Variants in TCTN3 observed in about 807,000 individuals in gnomAD.
The protein encoded by TCTN3 is tectonic-3.
TCTN3 carries 57 observed loss-of-function variants against 71.3 expected under a neutral mutation model. The ratio of observed to expected loss-of-function variants is 0.80; its 90% CI spans 0.65 to 1.00. TCTN3 has a LOEUF of 1.00. Among genes scored for constraint, TCTN3 ranks in the 50% least tolerant of loss-of-function variants. The probability of loss-of-function intolerance (pLI) is 0.00; values close to 1 mark genes in which losing one functional copy is unlikely to be tolerated. For synonymous variants in TCTN3, 258 were observed against 267.8 expected (o/e 0.96, Z 0.36); for missense variants, 696 against 719.9 (o/e 0.97, Z 0.38).
At chr10:95,682,899 T>C in intron 11 of TCTN3, 95 bp from the exon 12 acceptor site, 2 of 1,467,730 alleles carry the variant, frequency 1.4e-6, no homozygotes, top group Non-Finnish European at 1.8e-6. Context: ...GGAAATAATA[T>C]AAAATAGACC....
At chr10:95,681,369 C>T (rs994096534) in intron 12 of TCTN3, among the ~76,000 whole-genome samples, 2 of 152,204 alleles carry the variant, frequency 1.3e-5, no homozygotes, top group Non-Finnish European at 2.9e-5. Context: ...AGCCATGGCA[C>T]CTGGCTTCCT....
intron 13 of TCTN3, among the ~76,000 whole-genome samples, chr10:95,665,677 C>T (rs2097924959): frequency 6.6e-6 from 1 of 152,032 alleles, no homozygotes. Context: ...CATTTCAGAG[C>T]CTTTAGGAGG....
Position 95,682,658 on chromosome 10 carries a change from C to G in TCTN3, c.1445G>C (p.Ser482Thr). The change falls in exon 12 of 14, where the codon AGC becomes ACC. Residue 482 changes from serine (S) to threonine (T), a missense_variant. Coordinates refer to ENST00000371217, the MANE Select transcript of TCTN3 (RefSeq NM_015631.6). ...GTATATTTCTCTCCTTACTGAAATG[C>G]TGCAGTGCCTGTTGAGGATCCTGGT... The part of the protein sequence containing the change: ...GWTRILNRHC[S>T]ISAINCTSCC... 1.2e-6 allele frequency: 2 copies of G among 1,612,384 alleles called. No individual in the cohort carries two copies. The highest frequency in any genetic ancestry group is 1.7e-6 in the Non-Finnish European group (2 of 1,179,476).
intron 10 of TCTN3, 38 bp from the exon 11 acceptor site, chr10:95,683,233 G>GAA: frequency 6.5e-7 from 1 of 1,547,458 alleles, no homozygotes; most frequent in Non-Finnish European, 8.8e-7. Flanking sequence ...CATCATAACA[G>GAA]AAAAAAAAAG....
In TCTN3 at chr10:95,680,568, C is replaced by T; in HGVS notation, c.1494G>A (p.Leu498=). 1 of 1,614,130 alleles carries T rather than the reference C, an allele frequency of 6.2e-7. No individual in the cohort carries two copies. The highest frequency in any genetic ancestry group is 8.5e-7 in the Non-Finnish European group (1 of 1,180,024). The change falls in exon 13 of 14, where the codon CTG becomes CTA. Residue 498 remains leucine (L), a synonymous_variant. Coordinates refer to ENST00000371217, the MANE Select transcript of TCTN3 (RefSeq NM_015631.6). ...CATATGCCCACAATACCTGGATCTC[C>T]AGGGAAACTGGTATGAGACAGCAGG... ...CTSCCLIPVS[L]EIQVLWAYVG... is the part of the protein sequence containing the mutation.
intron 13 of TCTN3, among the ~76,000 whole-genome samples, chr10:95,667,104 C>T (rs2097926415): frequency 6.6e-6 from 1 of 152,060 alleles, no homozygotes; most frequent in Non-Finnish European, 1.5e-5. Context: ...AAACCTTAGG[C>T]CAATGTCTGC....
intron 13 of TCTN3, among the ~76,000 whole-genome samples, chr10:95,671,852 T>C (rs1248826362): frequency 6.6e-6 from 1 of 152,200 alleles, no homozygotes; most frequent in Admixed American, 6.5e-5. Flanking sequence ...CGCCTTGGTC[T>C]CCCAAAGTGC....
At chr10:95,693,233 G>C (rs551364518) in intron 2 of TCTN3, 120 bp downstream of exon 2, 1 of 1,451,090 alleles carries the variant, frequency 6.9e-7, no homozygotes, top group Non-Finnish European at 9.2e-7. Flanking sequence ...AAAACCAAGG[G>C]AATGTCCTAG....
chr10:95,691,594 T>G (rs1052513214), intron 3 of TCTN3, among the ~76,000 whole-genome samples: 1 of 152,206 alleles, frequency 6.6e-6, no homozygotes, highest in African/African-American at 2.4e-5. Context: ...CAAATATAGT[T>G]TTGCAATTCT....
intron 3 of TCTN3, among the ~76,000 whole-genome samples, chr10:95,689,029 A>C (rs545510481): frequency 6.6e-6 from 1 of 152,342 alleles, no homozygotes; most frequent in South Asian, 2.1e-4. Flanking sequence ...TGAGGATTCC[A>C]CGTTAAATGA....
In TCTN3 at chr10:95,693,884, G is replaced by C. The variant is rs759598264; in HGVS notation, c.16C>G (p.Leu6Val). Residue 6 changes from leucine (L) to valine (V), a missense_variant, in exon 1 of 14, where the codon CTC (leucine) becomes GTC (valine). Transcript: ENST00000371217. The stretch of plus-strand genomic sequence containing the variant: ...AGAAAGAACACTTGCAGGAGCGCGA[G>C]CTGTGGGGTGCGCATGGGGCATTCA... MRTPQ[L>V]ALLQVFFLVF... 5.2e-6 allele frequency: 8 copies of C among 1,551,602 alleles called. No homozygotes were observed. Among genetic ancestry groups the C allele is most frequent in the Non-Finnish European group, 7.0e-6 (8 of 1,147,006 alleles).
intron 13 of TCTN3, 122 bp from the exon 14 acceptor site, chr10:95,664,422 T>A: frequency 2.5e-6 from 2 of 791,086 alleles, no homozygotes; most frequent in Non-Finnish European, 4.2e-6. Flanking sequence ...AGATATACCT[T>A]TATCTCATAT....
In TCTN3 at chr10:95,683,196, C is replaced by T; in HGVS notation, c.1204-1G>A. 6.2e-7 allele frequency: 1 copy of T among 1,612,774 alleles called. No homozygotes were observed. On this transcript the variant is annotated splice_acceptor_variant, in intron 10 of 13. Coordinates refer to ENST00000371217, the MANE Select transcript of TCTN3 (RefSeq NM_015631.6). LOFTEE classifies it high-confidence loss of function. ...TACCCTGGCTCTGTAAGAGGGTCAT[C>T]CAAGGTGGAAAAGTGATGATCAAGG...
At chr10:95,692,431 G>A (rs1210279450) in intron 3 of TCTN3, among the ~76,000 whole-genome samples, 3 of 152,148 alleles carry the variant, frequency 2.0e-5, no homozygotes, top group African/African-American at 4.8e-5. Flanking sequence ...ACTTTAATCC[G>A]GGAGGTGGAG....
At chr10:95,686,379 G>GATCCCTACTTAA in intron 7 of TCTN3, 116 bp downstream of exon 7, 6 of 1,095,504 alleles carry the variant, frequency 5.5e-6, no homozygotes, top group Non-Finnish European at 8.4e-6. Flanking sequence ...CTACTTAATT[G>GATCCCTACTTAA]TTTGCTACAT....
intron 13 of TCTN3, among the ~76,000 whole-genome samples, 197 bp downstream of exon 13, chr10:95,680,275 A>G (rs957010610): frequency 6.8e-6 from 1 of 146,070 alleles, no homozygotes; most frequent in Admixed American, 6.7e-5. Context: ...TATAAGCGGT[A>G]TTCATGACAT....
At chr10:95,690,071 C>G (rs2097952145) in intron 3 of TCTN3, among the ~76,000 whole-genome samples, 1 of 152,126 alleles carries the variant, frequency 6.6e-6, no homozygotes. Context: ...CTGCATGCCT[C>G]GAACTCCTGG....
intron 3 of TCTN3, among the ~76,000 whole-genome samples, chr10:95,690,024 A>T (rs2097952093): frequency 1.3e-5 from 2 of 152,050 alleles, no homozygotes; most frequent in South Asian, 4.2e-4. Flanking sequence ...ATAGGATCTC[A>T]CTCTGTTGCC....
chr10:95,686,387 C>T, intron 7 of TCTN3, 108 bp downstream of exon 7: 2 of 1,179,928 alleles, frequency 1.7e-6, no homozygotes, highest in Non-Finnish European at 1.3e-6. Context: ...TTGTTTGCTA[C>T]ATCACGCTTA....
Sources: allele counts gnomAD v4.1 joint callset (sites outside exome capture counted in the v4.1 genomes callset), GRCh38; gene constraint gnomAD v4.1.1; transcripts MANE v1.5; gene names NCBI Gene and HGNC (gene_info 2026-07-23, HGNC 2026-07-21).